Variants in WDFY2 observed in about 807,000 individuals in gnomAD.
WDFY2 encodes the protein WD repeat and FYVE domain containing 2.
A neutral mutation model predicts 56.4 loss-of-function variants in WDFY2; 36 were observed. That is an observed-to-expected ratio of 0.64 (90% CI 0.49 to 0.84). The LOEUF is 0.84. Among genes scored for constraint, WDFY2 ranks in the 40% least tolerant of loss-of-function variants. WDFY2 has a pLI of 0.00. For synonymous variants in WDFY2, 176 were observed against 183.7 expected, an observed-to-expected ratio of 0.96 and a Z score of 0.34; for missense variants, 444 against 512.2, an observed-to-expected ratio of 0.87 and a Z score of 1.29.
intron 1 of WDFY2, among the ~76,000 whole-genome samples, chr13:51,632,479 T>A (rs944884236): frequency 6.6e-6 from 1 of 152,200 alleles, no homozygotes; most frequent in African/African-American, 2.4e-5. Flanking sequence ...AATTTCCCAT[T>A]TTTCCTTGTT....
At chr13:51,689,832 C>T (rs1956121892) in intron 3 of WDFY2, among the ~76,000 whole-genome samples, 1 of 152,138 alleles carries the variant, frequency 6.6e-6, no homozygotes, top group South Asian at 2.1e-4. Flanking sequence ...GAAGATTAAG[C>T]AAAGCCTAAC....
At position 51,761,599 on chromosome 13, in the gene WDFY2, C is replaced by G. The variant is rs1232909167; in HGVS notation, c.*1830C>G. ...ACATGGGAGTGAAATTGAAATCCTC[C>G]CTATTATTTTCCCTCTTTTCCTGGA... On this transcript the variant is annotated 3_prime_UTR_variant, in exon 12 of 12. Transcript: ENST00000298125. 1 of 152,122 alleles carries G rather than the reference C, an allele frequency of 6.6e-6. No individual in the cohort carries two copies. Among genetic ancestry groups the G allele is most frequent in the African/African-American group, 2.4e-5 (1 of 41,420 alleles). 9.4% of individuals were successfully genotyped at this position (152,122 alleles called of 1,614,324 possible). A position where few individuals can be genotyped will look rare whatever the true frequency, so the allele number is the denominator to read the frequency against.
chr13:51,705,004 G>T (rs1292686068), intron 4 of WDFY2, among the ~76,000 whole-genome samples: 1 of 152,116 alleles, frequency 6.6e-6, no homozygotes, highest in African/African-American at 2.4e-5. Flanking sequence ...CTGAGATTAG[G>T]TTACAAAGAT....
intron 4 of WDFY2, among the ~76,000 whole-genome samples, chr13:51,715,950 T>G (rs996616813): frequency 6.6e-6 from 1 of 152,174 alleles, no homozygotes; most frequent in Non-Finnish European, 1.5e-5. Flanking sequence ...AACAACGTTA[T>G]TCATAATGGC....
intron 1 of WDFY2, among the ~76,000 whole-genome samples, chr13:51,646,730 A>G (rs1955269931): frequency 6.6e-6 from 1 of 152,216 alleles, no homozygotes; most frequent in African/African-American, 2.4e-5. Flanking sequence ...GGAAAATCCA[A>G]GTTGTCAGAA....
At chr13:51,712,884 AAAATCTTTGAAAAATAC>A (rs1226404639) in intron 4 of WDFY2, among the ~76,000 whole-genome samples, 1 of 152,192 alleles carries the variant, frequency 6.6e-6, no homozygotes, top group Non-Finnish European at 1.5e-5. Context: ...TGAAATTTTA[AAAATCTTTGAAAAATAC>A]AAATTGTGAA....
intron 5 of WDFY2, among the ~76,000 whole-genome samples, chr13:51,725,040 T>C (rs1486731780): frequency 6.6e-6 from 1 of 152,216 alleles, no homozygotes; most frequent in East Asian, 1.9e-4. Flanking sequence ...TATAAATGTG[T>C]GTGTATTTTT....
At chr13:51,757,871 CCTT>C (rs1028958759) in intron 10 of WDFY2, among the ~76,000 whole-genome samples, 1 of 151,318 alleles carries the variant, frequency 6.6e-6, no homozygotes, top group Admixed American at 6.6e-5. Flanking sequence ...ACTGGCAAGT[CCTT>C]CTGAGCTCAA....
intron 1 of WDFY2, among the ~76,000 whole-genome samples, chr13:51,638,361 T>G (rs761806376): frequency 2.6e-5 from 4 of 152,184 alleles, no homozygotes; most frequent in Admixed American, 6.5e-5. Flanking sequence ...AGACAGATTT[T>G]AGTCACATTA....
intron 7 of WDFY2, among the ~76,000 whole-genome samples, chr13:51,744,841 C>G (rs1593471542): frequency 6.6e-6 from 1 of 152,198 alleles, no homozygotes; most frequent in Non-Finnish European, 1.5e-5. Flanking sequence ...TTCTTCGTAA[C>G]CCCTAACGTG....
intron 1 of WDFY2, among the ~76,000 whole-genome samples, chr13:51,649,332 G>C (rs1358580037): frequency 1.3e-5 from 2 of 152,036 alleles, no homozygotes; most frequent in Admixed American, 6.5e-5. Context: ...AAGATGGACT[G>C]TGCGGTGCAT....
At position 51,658,987 on chromosome 13, in the gene WDFY2, C is replaced by T. The variant is rs536574457; in HGVS notation, c.138-1609C>T. Among the ~76,000 whole-genome samples, 8 of 152,178 alleles carry T rather than the reference C, an allele frequency of 5.3e-5. No homozygotes were observed. The South Asian group carries it at 6.2e-4, about 12-fold the overall frequency. On this transcript the variant is annotated intron_variant, in intron 1 of 11. Transcript: ENST00000298125. Reference sequence around the variant, plus strand: ...TGTCGCCCAGGCAGGAGTGTAATGGCGCCATCTTGGCTCAATGCAACCTCT... The same window carrying T: ...TGTCGCCCAGGCAGGAGTGTAATGGTGCCATCTTGGCTCAATGCAACCTCT...
chr13:51,677,622 T>C (rs545946915), intron 3 of WDFY2, among the ~76,000 whole-genome samples: 2 of 152,360 alleles, frequency 1.3e-5, no homozygotes, highest in South Asian at 4.1e-4. Flanking sequence ...TATTTCACTT[T>C]ATTTTACTGA....
intron 1 of WDFY2, chr13:51,590,488 A>G (rs1954021921): frequency 6.6e-6 from 1 of 152,234 alleles, no homozygotes; most frequent in South Asian, 2.1e-4. Context: ...TAGAAATAAC[A>G]GTGTGGGGAA....
chr13:51,617,699 A>G (rs959773725), intron 1 of WDFY2, among the ~76,000 whole-genome samples: 1 of 152,216 alleles, frequency 6.6e-6, no homozygotes, highest in Non-Finnish European at 1.5e-5. Flanking sequence ...TCTGCAATCC[A>G]GGAGGAGGTG....
At chr13:51,667,493 A>G (rs1164686329) in intron 2 of WDFY2, among the ~76,000 whole-genome samples, 1 of 152,112 alleles carries the variant, frequency 6.6e-6, no homozygotes, top group African/African-American at 2.4e-5. Flanking sequence ...TTGGGGGAAA[A>G]GTTCATGTGG....
intron 1 of WDFY2, among the ~76,000 whole-genome samples, chr13:51,655,624 A>T (rs778451929): frequency 4.6e-5 from 7 of 152,150 alleles, no homozygotes; most frequent in Non-Finnish European, 1.0e-4. Context: ...ATCTGTCTTC[A>T]TGAAGATTTA....
intron 1 of WDFY2, among the ~76,000 whole-genome samples, chr13:51,615,369 A>G (rs1413307235): frequency 6.6e-6 from 1 of 152,242 alleles, no homozygotes; most frequent in Non-Finnish European, 1.5e-5. Flanking sequence ...AAAACACTGA[A>G]ACATCATTTT....
chr13:51,753,538 C>A (rs1953286274), intron 8 of WDFY2, among the ~76,000 whole-genome samples: 1 of 152,164 alleles, frequency 6.6e-6, no homozygotes, highest in Non-Finnish European at 1.5e-5. Context: ...CCAGAAATAT[C>A]ACTCTGAACA....
Sources: allele counts gnomAD v4.1 joint callset (sites outside exome capture counted in the v4.1 genomes callset), GRCh38; gene constraint gnomAD v4.1.1; transcripts MANE v1.5; gene names NCBI Gene and HGNC (gene_info 2026-07-23, HGNC 2026-07-21).